The following PPP2R2B variants were observed in gnomAD, a reference collection of about 807,000 sequenced individuals.
PPP2R2B encodes protein phosphatase 2 regulatory subunit Bbeta.
In PPP2R2B, 5 loss-of-function variants were observed where a neutral mutation model predicts 46.0. That is an observed-to-expected ratio of 0.11 (90% CI 0.06 to 0.23). The LOEUF (loss-of-function observed/expected upper bound fraction) is 0.23. PPP2R2B is among the 10% of genes least tolerant of loss of function. PPP2R2B has a pLI of 1.00. For synonymous variants in PPP2R2B, 215 were observed against 206.7 expected (o/e 1.04, Z -0.34); for missense variants, 367 against 575.0 (o/e 0.64, Z 3.70).
intron 2 of PPP2R2B, among the ~76,000 whole-genome samples, chr5:146,823,368 T>C (rs988437424): frequency 2.6e-5 from 4 of 152,074 alleles, no homozygotes; most frequent in Non-Finnish European, 5.9e-5. Flanking sequence ...CGCCTAATTT[T>C]TTTTATTTTT....
chr5:146,805,470 T>C (rs997491468), intron 2 of PPP2R2B, among the ~76,000 whole-genome samples: 2 of 152,176 alleles, frequency 1.3e-5, no homozygotes, highest in Non-Finnish European at 2.9e-5. Flanking sequence ...GTTTTGAAAA[T>C]GGAAAGCAGA....
At chr5:146,937,031 G>T (rs1249076593) in intron 1 of PPP2R2B, among the ~76,000 whole-genome samples, 2 of 152,156 alleles carry the variant, frequency 1.3e-5, no homozygotes, top group Non-Finnish European at 2.9e-5. Flanking sequence ...GCTAGGTGTG[G>T]TTGCTCACGT....
chr5:146,976,512 G>A lies in PPP2R2B; in HGVS notation c.79+79153C>T, dbSNP rs536650486. ...GTTAATTTTTGTATATGGTACAAAG[G>A]TAAGGGGGCAACTTGTAATTTTTTC... is the stretch of plus-strand genomic sequence containing the variant. On this transcript the variant is annotated intron_variant, in intron 1 of 8. Coordinates refer to the PPP2R2B transcript ENST00000336640. Among the ~76,000 whole-genome samples the A allele has an allele frequency of 1.2e-4, 18 of 152,168 alleles. No homozygotes were observed. In the South Asian group the frequency reaches 3.5e-3, roughly 30 times the overall value.
At chr5:146,817,708 C>T (rs909252137) in intron 2 of PPP2R2B, among the ~76,000 whole-genome samples, 3 of 152,188 alleles carry the variant, frequency 2.0e-5, no homozygotes, top group Non-Finnish European at 4.4e-5. Flanking sequence ...AAGTCTCCCC[C>T]ATTTCCAAGC....
chr5:146,916,749 A>G (rs1181699006), intron 1 of PPP2R2B, among the ~76,000 whole-genome samples: 4 of 152,140 alleles, frequency 2.6e-5, no homozygotes, highest in Non-Finnish European at 4.4e-5. Context: ...TACAGGTGAA[A>G]AGCTCAGTAG....
chr5:146,821,330 C>A (rs547381268), intron 2 of PPP2R2B, among the ~76,000 whole-genome samples: 2 of 152,140 alleles, frequency 1.3e-5, no homozygotes, highest in Non-Finnish European at 2.9e-5. Context: ...CTGAGACCTC[C>A]TTTCTTCACT....
At chr5:146,983,443 G>T (rs914544176) in intron 1 of PPP2R2B, among the ~76,000 whole-genome samples, 1 of 152,132 alleles carries the variant, frequency 6.6e-6, no homozygotes, top group African/African-American at 2.4e-5. Context: ...GCCTCCCAAA[G>T]TGCTGGGATT....
intron 2 of PPP2R2B, among the ~76,000 whole-genome samples, chr5:146,792,091 G>C (rs935356334): frequency 1.3e-5 from 2 of 152,168 alleles, no homozygotes; most frequent in Non-Finnish European, 2.9e-5. Flanking sequence ...AAAGAGGCTG[G>C]AACAGCTGCT....
intron 1 of PPP2R2B, among the ~76,000 whole-genome samples, chr5:146,920,237 G>A (rs776652673): frequency 6.6e-6 from 1 of 152,128 alleles, no homozygotes; most frequent in Non-Finnish European, 1.5e-5. Flanking sequence ...TAAATTTAGT[G>A]GCAAAAGCAA....
intron 6 of PPP2R2B, among the ~76,000 whole-genome samples, chr5:146,643,222 C>A (rs1434929164): frequency 6.6e-6 from 1 of 151,884 alleles, no homozygotes; most frequent in Non-Finnish European, 1.5e-5. Flanking sequence ...CAGACAAGGG[C>A]CCATTCACTC....
At chr5:147,010,379 G>T (rs1197371925) in intron 1 of PPP2R2B, among the ~76,000 whole-genome samples, 1 of 152,104 alleles carries the variant, frequency 6.6e-6, no homozygotes, top group African/African-American at 2.4e-5. Flanking sequence ...TATTTTTATT[G>T]TATTGTAACA....
intron 1 of PPP2R2B, among the ~76,000 whole-genome samples, chr5:146,903,359 G>A (rs2151436627): frequency 7.0e-6 from 1 of 142,188 alleles, no homozygotes; most frequent in East Asian, 2.1e-4. Context: ...TTTTGTTTTT[G>A]CTTTTGTTCT....
chr5:146,713,865 G>C (rs949295297), intron 2 of PPP2R2B, among the ~76,000 whole-genome samples: 4 of 152,160 alleles, frequency 2.6e-5, no homozygotes, highest in African/African-American at 7.2e-5. Context: ...TGAAATGTGA[G>C]AGGTTTATAA....
At chr5:146,991,515 T>C (rs1753697844) in intron 1 of PPP2R2B, among the ~76,000 whole-genome samples, 2 of 152,158 alleles carry the variant, frequency 1.3e-5, no homozygotes, top group Admixed American at 6.5e-5. Context: ...TATTACATAG[T>C]AGGGTGACTT....
intron 1 of PPP2R2B, among the ~76,000 whole-genome samples, chr5:146,971,043 C>T (rs924271442): frequency 1.3e-5 from 2 of 152,020 alleles, no homozygotes; most frequent in African/African-American, 4.8e-5. Context: ...TTTGTTGTTT[C>T]CAAAGCTGCA....
intron 2 of PPP2R2B, among the ~76,000 whole-genome samples, chr5:147,072,811 T>C (rs1226944000): frequency 2.6e-5 from 4 of 152,182 alleles, no homozygotes; most frequent in Non-Finnish European, 5.9e-5. Flanking sequence ...CCTGAGCAAA[T>C]AGCACAAGAG....
chr5:146,667,323 C>CAT (rs879652876), intron 5 of PPP2R2B, among the ~76,000 whole-genome samples: 26,552 of 59,068 alleles, frequency 0.45, 2,868 homozygotes, highest in East Asian at 0.62. Context: ...CAGGAATAGG[C>CAT]GTGCGCGCGC....
chr5:147,045,053 T>C (rs140785388), intron 1 of PPP2R2B, among the ~76,000 whole-genome samples: 239 of 152,250 alleles, frequency 1.6e-3, no homozygotes, highest in African/African-American at 5.1e-3. Flanking sequence ...GTCAAGACAA[T>C]AAACAGGTGT....
At chr5:146,804,625 G>C (rs955897618) in intron 2 of PPP2R2B, among the ~76,000 whole-genome samples, 4 of 152,186 alleles carry the variant, frequency 2.6e-5, no homozygotes, top group African/African-American at 4.8e-5. Context: ...ATCAGAATCT[G>C]TTTAGAAGCA....
Sources: gnomAD v4.1 joint callset for allele counts (sites outside exome capture counted in the v4.1 genomes callset) on GRCh38, gnomAD v4.1.1 for gene constraint, MANE v1.5 for transcripts, NCBI Gene and HGNC (gene_info 2026-07-23, HGNC 2026-07-21) for gene names.